Variants in PDE3A observed in about 807,000 individuals in gnomAD.
The protein encoded by PDE3A is phosphodiesterase 3A, also known as cGMP-inhibited 3',5'-cyclic phosphodiesterase 3A.
Under a neutral mutation model 98.3 loss-of-function variants are expected in PDE3A, and 43 were observed. That is an observed-to-expected ratio of 0.44 (90% CI 0.34 to 0.56). The LOEUF is 0.56. Ranked by LOEUF, PDE3A falls within the 20% of genes least tolerant of loss-of-function variation. The pLI is 0.01. For synonymous variants in PDE3A, 663 were observed against 567.9 expected, an observed-to-expected ratio of 1.17 and a Z score of -2.38; for missense variants, 1,427 against 1,440.7, an observed-to-expected ratio of 0.99 and a Z score of 0.15.
chr12:20,402,188 G>A (rs1944145482), intron 1 of PDE3A, among the ~76,000 whole-genome samples: 1 of 151,990 alleles, frequency 6.6e-6, no homozygotes, highest in Non-Finnish European at 1.5e-5. Flanking sequence ...TTGAGAGAGA[G>A]TCTCACTCTG....
intron 15 of PDE3A, among the ~76,000 whole-genome samples, chr12:20,660,614 C>A (rs1419028735): frequency 2.6e-5 from 4 of 152,254 alleles, no homozygotes; most frequent in African/African-American, 7.2e-5. Context: ...CTATGCTGTT[C>A]TCGTGATAGT....
chr12:20,612,003 A>C (rs2121447544), intron 2 of PDE3A, among the ~76,000 whole-genome samples: 1 of 152,026 alleles, frequency 6.6e-6, no homozygotes, highest in South Asian at 2.1e-4. Context: ...TTGTAGAAGT[A>C]TTTCTTTCGA....
intron 1 of PDE3A, among the ~76,000 whole-genome samples, chr12:20,481,999 C>T (rs1367871848): frequency 2.0e-5 from 3 of 151,802 alleles, no homozygotes; most frequent in South Asian, 2.1e-4. Context: ...CTCCTGACCT[C>T]GTGATCCACC....
At chr12:20,649,953 TA>T (rs59207052) in intron 13 of PDE3A, among the ~76,000 whole-genome samples, 76,146 of 151,916 alleles carry the variant, frequency 0.5, 20,275 homozygotes, top group East Asian at 0.76. Flanking sequence ...AGTAATTGAT[TA>T]TATATGCCAA....
rs538267946 is a variant in PDE3A, at chr12:20,449,598, G to T, written c.960+79354G>T. On this transcript the variant is annotated intron_variant, in intron 1 of 15. Transcript: ENST00000359062. ...GGGGTATCTGAATGCACTGCACGGG[G>T]TCTCTGCTCACACTTACTGGAGCCA... The T allele has an allele frequency of 5.3e-5, 19 of 357,776 alleles. 1 individual carries two copies. The highest frequency in any genetic ancestry group is 3.6e-4 in the African/African-American group (17 of 47,652). The allele number at this position is 357,776 out of a possible 1,614,324, so 22.2% of individuals were successfully genotyped here.
rs60736941 is a variant in PDE3A, at chr12:20,404,826, GTT to G, written c.960+34603_960+34604del. Among the ~76,000 whole-genome samples the G allele has an allele frequency of 8.1e-3, 769 of 95,040 alleles. 3 individuals carry two copies. The highest frequency in any genetic ancestry group is 0.029 in the African/African-American group (718 of 24,548). 62.3% of individuals were successfully genotyped at this position (95,040 alleles called of 152,430 possible). On this transcript the variant is annotated intron_variant, in intron 1 of 15. Transcript: ENST00000359062. Reference sequence around the variant, plus strand: ...ATTCCACACATGTGTAGGTTACAGAGTTTTTTTTTTTTTTTTTTTTTTGAGCA... The same window carrying G: ...ATTCCACACATGTGTAGGTTACAGAGTTTTTTTTTTTTTTTTTTTTGAGCA...
At chr12:20,673,778 G>A (rs1262300580) in intron 15 of PDE3A, among the ~76,000 whole-genome samples, 1 of 150,118 alleles carries the variant, frequency 6.7e-6, no homozygotes, top group Non-Finnish European at 1.5e-5. Context: ...CAGTGCACCA[G>A]CATGGCACAT....
intron 1 of PDE3A, chr12:20,551,566 G>C (rs950630807): frequency 1.3e-6 from 2 of 1,505,260 alleles, no homozygotes; most frequent in African/African-American, 1.4e-5. Flanking sequence ...CGCGACCCCC[G>C]AGCGGGTCTG....
At chr12:20,616,715 A>C (rs1944016396) in intron 4 of PDE3A, among the ~76,000 whole-genome samples, 1 of 152,266 alleles carries the variant, frequency 6.6e-6, no homozygotes, top group Non-Finnish European at 1.5e-5. Context: ...CCTTAAATCA[A>C]AAGCATACAA....
chr12:20,495,221 C>T (rs1319074268), intron 1 of PDE3A, among the ~76,000 whole-genome samples: 2 of 151,858 alleles, frequency 1.3e-5, no homozygotes, highest in Non-Finnish European at 2.9e-5. Context: ...GACCATTCTT[C>T]TTGTGGTCAC....
chr12:20,659,806 T>C (rs1945120604), intron 15 of PDE3A, among the ~76,000 whole-genome samples: 1 of 152,230 alleles, frequency 6.6e-6, no homozygotes, highest in Non-Finnish European at 1.5e-5. Flanking sequence ...TTTTTCGTAT[T>C]AGTTTTATTT....
intron 9 of PDE3A, 59 bp from the exon 10 acceptor site, chr12:20,639,787 T>G (rs977289243): frequency 1.3e-6 from 1 of 771,112 alleles, no homozygotes; most frequent in African/African-American, 1.7e-5. Flanking sequence ...TCACCACTGT[T>G]CTCTTTATGT....
At chr12:20,507,687 G>A (rs1234821058) in intron 1 of PDE3A, among the ~76,000 whole-genome samples, 4 of 151,990 alleles carry the variant, frequency 2.6e-5, no homozygotes, top group African/African-American at 9.7e-5. Context: ...CGCTTACTCT[G>A]TCAGAAATCC....
intron 1 of PDE3A, among the ~76,000 whole-genome samples, chr12:20,458,642 G>A (rs1190954013): frequency 6.6e-6 from 1 of 152,080 alleles, no homozygotes; most frequent in Non-Finnish European, 1.5e-5. Flanking sequence ...TCTACCTACT[G>A]TCAGACAAGT....
intron 1 of PDE3A, among the ~76,000 whole-genome samples, chr12:20,430,527 A>G (rs866592978): frequency 6.6e-6 from 1 of 152,092 alleles, no homozygotes; most frequent in Non-Finnish European, 1.5e-5. Flanking sequence ...TTAGAGATGA[A>G]TTACTCAATT....
intron 1 of PDE3A, among the ~76,000 whole-genome samples, chr12:20,370,878 A>C (rs939310239): frequency 6.6e-6 from 1 of 152,196 alleles, no homozygotes; most frequent in Admixed American, 6.5e-5. Context: ...ACATTATTAC[A>C]TGCTAGTGTG....
At chr12:20,615,430 A>C (rs1486374816) in intron 3 of PDE3A, among the ~76,000 whole-genome samples, 1 of 152,146 alleles carries the variant, frequency 6.6e-6, no homozygotes, top group Non-Finnish European at 1.5e-5. Context: ...TAATCATAAG[A>C]GAAGTGGTGC....
chr12:20,451,413 A>G (rs1309524356), intron 1 of PDE3A, among the ~76,000 whole-genome samples: 1 of 152,134 alleles, frequency 6.6e-6, no homozygotes. Flanking sequence ...AGCTGGGATT[A>G]TAGGTGTGTG....
intron 3 of PDE3A, 102 bp downstream of exon 3, chr12:20,613,802 A>G (rs1362778852): frequency 2.4e-6 from 2 of 817,698 alleles, no homozygotes; most frequent in East Asian, 2.6e-5. Flanking sequence ...GATTCATATC[A>G]GTGACTCAGG....
Sources: allele counts gnomAD v4.1 joint callset (sites outside exome capture counted in the v4.1 genomes callset), GRCh38; gene constraint gnomAD v4.1.1; transcripts MANE v1.5; gene names NCBI Gene and HGNC (gene_info 2026-07-23, HGNC 2026-07-21).